Variants in KIAA1217 observed in about 807,000 individuals in gnomAD.
KIAA1217 encodes the protein sickle tail protein homolog.
Under a neutral mutation model 163.9 loss-of-function variants are expected in KIAA1217, and 88 were observed. That is an observed-to-expected ratio of 0.54 (90% CI 0.45 to 0.64). The LOEUF is 0.64. Ranked by LOEUF, KIAA1217 falls within the 30% of genes least tolerant of loss-of-function variation. KIAA1217 has a pLI of 0.00. For synonymous variants in KIAA1217, 903 were observed against 923.1 expected, an observed-to-expected ratio of 0.98 and a Z score of 0.39; for missense variants, 2,372 against 2,475.0, an observed-to-expected ratio of 0.96 and a Z score of 0.88.
intron 1 of KIAA1217, among the ~76,000 whole-genome samples, chr10:23,765,648 C>T (rs1331898048): frequency 2.0e-5 from 3 of 152,022 alleles, no homozygotes; most frequent in Non-Finnish European, 4.4e-5. Context: ...TTCTCATGAC[C>T]GTGAGTGAGT....
chr10:23,737,374 T>TTTTTTTC (rs71272836), intron 1 of KIAA1217, among the ~76,000 whole-genome samples: 1,938 of 151,970 alleles, frequency 0.013, 35 homozygotes, highest in African/African-American at 0.041. Context: ...AATTTTTTTT[T>TTTTTTTC]AGTAGAGACG....
rs540778860 is a variant in KIAA1217 at position 23,904,579 on chromosome 10, G to A, written c.-320-102646G>A. Among the ~76,000 whole-genome samples, 62 of 152,234 alleles carry A rather than the reference G, an allele frequency of 4.1e-4. 1 individual carries two copies. The highest frequency in any genetic ancestry group is 1.5e-3 in the South Asian group (7 of 4,824). On this transcript the variant is annotated intron_variant, in intron 1 of 18. Transcript: ENST00000376462. Reference sequence around the variant, plus strand: ...CATCAAGGTGAGCTATCAGAGTCATGGCAGCAGGGGAAAGAGAGCAGGAAA... The same window carrying A: ...CATCAAGGTGAGCTATCAGAGTCATAGCAGCAGGGGAAAGAGAGCAGGAAA...
chr10:23,791,774 T>C (rs1401657435), intron 1 of KIAA1217, among the ~76,000 whole-genome samples: 2 of 152,232 alleles, frequency 1.3e-5, no homozygotes, highest in East Asian at 1.9e-4. Flanking sequence ...AACTGCTAGA[T>C]GCATCTTGAT....
At chr10:24,071,635 C>T (rs1021959178) in intron 2 of KIAA1217, among the ~76,000 whole-genome samples, 4 of 152,202 alleles carry the variant, frequency 2.6e-5, no homozygotes, top group South Asian at 4.1e-4. Context: ...GGTGAGTGAA[C>T]GGTTAAGTCC....
Position 24,417,786 on chromosome 10 carries a change from G to A in KIAA1217, c.554-15209G>A, listed in dbSNP as rs79985871. ...ATGAGCTTGAAAAATTAGGGTGTCC[G>A]TCCTGTGAAATGGAATCCCACAGCC... On this transcript the variant is annotated intron_variant, in intron 3 of 20. Transcript: ENST00000376454. Among the ~76,000 whole-genome samples the A allele has an allele frequency of 3.9e-3, 594 of 151,750 alleles. 3 individuals are homozygous for A. Among genetic ancestry groups the A allele is most frequent in the African/African-American group, 0.014 (568 of 41,356 alleles).
intron 2 of KIAA1217, among the ~76,000 whole-genome samples, chr10:24,252,590 A>G (rs1590238838): frequency 6.6e-6 from 1 of 152,174 alleles, no homozygotes; most frequent in African/African-American, 2.4e-5. Flanking sequence ...AAAAAGAAAG[A>G]TAATTTTGAT....
intron 2 of KIAA1217, chr10:24,158,089 C>T (rs1004276671): frequency 8.6e-5 from 65 of 754,922 alleles, no homozygotes; most frequent in South Asian, 4.6e-4. Context: ...ATAAAAGTGG[C>T]GCTCCACAAG....
At chr10:24,205,408 G>A (rs1477474871), upstream of KIAA1217, among the ~76,000 whole-genome samples, 2 of 151,358 alleles carry the variant, frequency 1.3e-5, no homozygotes, top group Non-Finnish European at 2.9e-5. Flanking sequence ...CCTCGAGGCA[G>A]AGGTTGCAGT....
intron 5 of KIAA1217, among the ~76,000 whole-genome samples, chr10:24,460,070 A>G (rs2062224794): frequency 6.6e-6 from 1 of 152,222 alleles, no homozygotes; most frequent in Non-Finnish European, 1.5e-5. Flanking sequence ...GGGGGCTTTC[A>G]GAGCCACTGG....
At chr10:24,487,114 TC>T in intron 6 of KIAA1217, among the ~76,000 whole-genome samples, 1 of 152,376 alleles carries the variant, frequency 6.6e-6, no homozygotes, top group East Asian at 1.9e-4. Context: ...AGAACACTGC[TC>T]CCTTCTCCTT....
intron 9 of KIAA1217, among the ~76,000 whole-genome samples, chr10:24,505,994 C>A (rs1206804226): frequency 6.6e-6 from 1 of 152,008 alleles, no homozygotes; most frequent in Admixed American, 6.6e-5. Flanking sequence ...GTGCAACAGA[C>A]CCGTGTCCCC....
intron 2 of KIAA1217, among the ~76,000 whole-genome samples, chr10:24,109,314 T>A (rs935901715): frequency 1.3e-5 from 2 of 152,222 alleles, no homozygotes; most frequent in Non-Finnish European, 2.9e-5. Context: ...TGCCTTTTTT[T>A]AAATTGGGAT....
chr10:23,826,468 G>A (rs1457088265), intron 1 of KIAA1217, among the ~76,000 whole-genome samples: 6 of 152,148 alleles, frequency 3.9e-5, no homozygotes, highest in Admixed American at 6.6e-5. Flanking sequence ...GGATAGAATC[G>A]CTTGAGCCCA....
At chr10:24,237,377 C>G (rs2072435058) in intron 2 of KIAA1217, among the ~76,000 whole-genome samples, 2 of 152,210 alleles carry the variant, frequency 1.3e-5, no homozygotes, top group Non-Finnish European at 2.9e-5. Context: ...TTTACCTCTG[C>G]CTGTCCACTG....
chr10:23,784,648 A>G (rs540614575), intron 1 of KIAA1217, among the ~76,000 whole-genome samples: 12 of 152,300 alleles, frequency 7.9e-5, no homozygotes, highest in Admixed American at 7.2e-4. Flanking sequence ...TGTAGTTACC[A>G]TGAGGTTACA....
At chr10:24,254,999 G>A (rs1162624479) in intron 2 of KIAA1217, among the ~76,000 whole-genome samples, 1 of 151,926 alleles carries the variant, frequency 6.6e-6, no homozygotes. Context: ...GATTACAGGA[G>A]CCCGCCACCA....
intron 2 of KIAA1217, among the ~76,000 whole-genome samples, chr10:24,116,451 G>A (rs2063058457): frequency 6.6e-6 from 1 of 152,078 alleles, no homozygotes; most frequent in Non-Finnish European, 1.5e-5. Flanking sequence ...AACAGCTGTA[G>A]ACAATATGGC....
chr10:23,988,886 A>C (rs1318730694), intron 1 of KIAA1217, among the ~76,000 whole-genome samples: 1 of 152,234 alleles, frequency 6.6e-6, no homozygotes, highest in Non-Finnish European at 1.5e-5. Flanking sequence ...TGAATGTGCT[A>C]TAAAATTTTA....
Position 23,905,063 on chromosome 10 carries a change from C to CT in KIAA1217, c.-320-102139dup, listed in dbSNP as rs562938938. ...ATTGGGATTCTTCTTTTCTCTTTTC[C>CT]TTTTTTTTTTTTTTTTTTTTTTTAG... On this transcript the variant is annotated intron_variant, in intron 1 of 18. Coordinates refer to the KIAA1217 transcript ENST00000376462. Among the ~76,000 whole-genome samples the CT allele has an allele frequency of 7.8e-3, 779 of 99,904 alleles. 3 individuals carry two copies. The highest frequency in any genetic ancestry group is 0.02 in the South Asian group (55 of 2,712). The allele number at this position is 99,904 out of a possible 152,430, so 65.5% of individuals were successfully genotyped here.
Sources: allele counts gnomAD v4.1 joint callset (sites outside exome capture counted in the v4.1 genomes callset), GRCh38; gene constraint gnomAD v4.1.1; transcripts MANE v1.5; gene names NCBI Gene and HGNC (gene_info 2026-07-23, HGNC 2026-07-21).